The following KCNQ5 variants were observed in gnomAD, a reference collection of about 807,000 sequenced individuals.
KCNQ5 encodes the protein potassium voltage-gated channel subfamily KQT member 5.
KCNQ5 carries 30 observed loss-of-function variants against 98.2 expected under a neutral mutation model. The observed-to-expected ratio is 0.31, with a 90% CI of 0.23 to 0.41. The LOEUF (loss-of-function observed/expected upper bound fraction) is 0.41. Among genes scored for constraint, KCNQ5 ranks in the 10% least tolerant of loss-of-function variants. The pLI, the probability that KCNQ5 is intolerant of heterozygous loss-of-function variation, is 1.00. For synonymous variants in KCNQ5, 458 were observed against 449.4 expected, an observed-to-expected ratio of 1.02 and a Z score of -0.24; for missense variants, 835 against 1,182.5, an observed-to-expected ratio of 0.71 and a Z score of 4.31.
intron 2 of KCNQ5, among the ~76,000 whole-genome samples, chr6:73,026,568 C>T (rs765554944): frequency 6.6e-6 from 1 of 152,266 alleles, no homozygotes; most frequent in Non-Finnish European, 1.5e-5. Flanking sequence ...TCTTCCAATG[C>T]TCTATCTTTC....
At chr6:72,670,884 A>T (rs1767069390) in intron 1 of KCNQ5, among the ~76,000 whole-genome samples, 1 of 152,214 alleles carries the variant, frequency 6.6e-6, no homozygotes, top group African/African-American at 2.4e-5. Flanking sequence ...CTGATCCTAT[A>T]GGTCAGATCC....
chr6:72,688,655 G>A (rs190566142), intron 1 of KCNQ5, among the ~76,000 whole-genome samples: 10 of 151,752 alleles, frequency 6.6e-5, no homozygotes, highest in East Asian at 1.9e-4. Flanking sequence ...AAGTATATAC[G>A]GAGTATGGTC....
chr6:72,981,624 AT>A (rs535281141), intron 1 of KCNQ5, among the ~76,000 whole-genome samples: 41 of 151,894 alleles, frequency 2.7e-4, no homozygotes, highest in Non-Finnish European at 5.0e-4. Flanking sequence ...GGATTCACTG[AT>A]TTTTTTGAAG....
intron 1 of KCNQ5, among the ~76,000 whole-genome samples, chr6:72,836,274 A>G (rs747131524): frequency 6.6e-6 from 1 of 152,178 alleles, no homozygotes; most frequent in Non-Finnish European, 1.5e-5. Context: ...CCTGTATTTT[A>G]AGAACAGAAA....
chr6:72,873,419 TAAG>T (rs1236126053), intron 1 of KCNQ5, among the ~76,000 whole-genome samples: 7 of 152,184 alleles, frequency 4.6e-5, no homozygotes, highest in East Asian at 3.8e-4. Flanking sequence ...CAAATCCCAG[TAAG>T]TAAAGCAGTT....
intron 1 of KCNQ5, among the ~76,000 whole-genome samples, chr6:72,910,751 G>T (rs547091060): frequency 6.6e-6 from 1 of 151,988 alleles, no homozygotes; most frequent in African/African-American, 2.4e-5. Flanking sequence ...AGAAGAAACC[G>T]AAAGAGGATA....
intron 8 of KCNQ5, among the ~76,000 whole-genome samples, chr6:73,122,520 CT>C: frequency 1.3e-5 from 2 of 152,274 alleles, no homozygotes; most frequent in Admixed American, 1.3e-4. Context: ...CTTTCCCTCA[CT>C]TTCCTTTTCC....
At chr6:72,922,178 G>A (rs1443779586) in intron 1 of KCNQ5, among the ~76,000 whole-genome samples, 1 of 152,112 alleles carries the variant, frequency 6.6e-6, no homozygotes, top group Admixed American at 6.5e-5. Context: ...CAAACACTCA[G>A]TTAATCCTCA....
intron 1 of KCNQ5, among the ~76,000 whole-genome samples, chr6:72,982,010 G>T (rs1768484480): frequency 6.6e-6 from 1 of 152,164 alleles, no homozygotes; most frequent in Non-Finnish European, 1.5e-5. Context: ...TTGCACTGTG[G>T]TCTAAGAGAC....
chr6:72,727,117 G>A (rs1770323014), intron 1 of KCNQ5, among the ~76,000 whole-genome samples: 1 of 152,236 alleles, frequency 6.6e-6, no homozygotes, highest in Admixed American at 6.5e-5. Flanking sequence ...TTGAGTAAAT[G>A]TAACCATTAA....
At chr6:72,922,717 G>A (rs570700891) in intron 1 of KCNQ5, among the ~76,000 whole-genome samples, 1 of 150,758 alleles carries the variant, frequency 6.6e-6, no homozygotes, top group East Asian at 2.0e-4. Context: ...TTTCATCCAT[G>A]TTTTGGCAAA....
At chr6:72,939,968 A>T (rs960854629) in intron 1 of KCNQ5, among the ~76,000 whole-genome samples, 2 of 152,186 alleles carry the variant, frequency 1.3e-5, no homozygotes, top group East Asian at 3.9e-4. Flanking sequence ...GCAGCACATA[A>T]AAAACGTTTA....
At chr6:73,063,648 T>G (rs943658339) in intron 3 of KCNQ5, among the ~76,000 whole-genome samples, 1 of 144,722 alleles carries the variant, frequency 6.9e-6, no homozygotes, top group African/African-American at 2.5e-5. Flanking sequence ...GAAATACAGA[T>G]AGATGATAGA....
chr6:72,672,282 G>C (rs1767161786), intron 1 of KCNQ5, among the ~76,000 whole-genome samples: 1 of 151,944 alleles, frequency 6.6e-6, no homozygotes, highest in African/African-American at 2.4e-5. Context: ...AATTTTTGTA[G>C]AGACGGAGTT....
intron 12 of KCNQ5, 39 bp from the exon 13 acceptor site, chr6:73,192,526 C>T (rs955657242): frequency 5.8e-6 from 9 of 1,560,826 alleles, no homozygotes; most frequent in Admixed American, 1.9e-5. Flanking sequence ...CAATCTCCAC[C>T]TTCAGCCCTC....
At chr6:72,650,915 A>T (rs1290226883) in intron 1 of KCNQ5, among the ~76,000 whole-genome samples, 1 of 152,058 alleles carries the variant, frequency 6.6e-6, no homozygotes, top group Non-Finnish European at 1.5e-5. Context: ...GGATGGTCAG[A>T]GGGGGTCGTG....
intron 1 of KCNQ5, among the ~76,000 whole-genome samples, chr6:72,962,923 A>G (rs1767442071): frequency 6.6e-6 from 1 of 152,200 alleles, no homozygotes; most frequent in African/African-American, 2.4e-5. Context: ...ATGCATTTAA[A>G]GACACTCTTG....
chr6:72,938,748 A>T (rs1294437071), intron 1 of KCNQ5, among the ~76,000 whole-genome samples: 2 of 152,068 alleles, frequency 1.3e-5, no homozygotes, highest in East Asian at 1.9e-4. Flanking sequence ...AAGCTTTTTT[A>T]AAAAAATAAA....
intron 7 of KCNQ5, among the ~76,000 whole-genome samples, chr6:73,116,187 A>G (rs775753793): frequency 2.0e-5 from 3 of 152,220 alleles, no homozygotes; most frequent in Non-Finnish European, 4.4e-5. Context: ...CAGCAGTTAC[A>G]TTGTCATAAT....
Sources: gnomAD v4.1 joint callset for allele counts (sites outside exome capture counted in the v4.1 genomes callset) on GRCh38, gnomAD v4.1.1 for gene constraint, MANE v1.5 for transcripts, NCBI Gene and HGNC (gene_info 2026-07-23, HGNC 2026-07-21) for gene names.